Variants in TUSC3 observed in about 807,000 individuals in gnomAD.
TUSC3 encodes tumor suppressor candidate 3.
A neutral mutation model predicts 44.8 loss-of-function variants in TUSC3; 45 were observed. The observed-to-expected ratio is 1.00, with a 90% confidence interval of 0.79 to 1.29. TUSC3 has a LOEUF of 1.29. Ranked by LOEUF, TUSC3 falls within the 50% of genes most tolerant of loss-of-function variation. The pLI, the probability that TUSC3 is intolerant of heterozygous loss-of-function variation, is 0.00. For synonymous variants in TUSC3, 212 were observed against 152.9 expected (o/e 1.39, Z -2.85); for missense variants, 519 against 437.9 (o/e 1.19, Z -1.65).
intron 1 of TUSC3, among the ~76,000 whole-genome samples, chr8:15,587,989 T>C (rs1008677357): frequency 2.6e-5 from 4 of 152,156 alleles, no homozygotes; most frequent in African/African-American, 9.6e-5. Flanking sequence ...GATTGGTATC[T>C]TGGCAATTGT....
intron 1 of TUSC3, among the ~76,000 whole-genome samples, chr8:15,560,830 C>G (rs1802431245): frequency 1.0e-5 from 1 of 98,158 alleles, no homozygotes; most frequent in East Asian, 2.9e-4. Flanking sequence ...TCACGTAGTT[C>G]TCGAGCCTTG....
rs185554757 is a variant in TUSC3, at chr8:15,566,430, C to T, written c.138+25862C>T. 1.4e-3 allele frequency among the ~76,000 whole-genome samples: 215 copies of T among 152,106 alleles called. 1 individual carries two copies. The highest frequency in any genetic ancestry group is 5.0e-3 in the African/African-American group (206 of 41,476). On this transcript the variant is annotated intron_variant, in intron 1 of 10. Transcript: ENST00000503731. ...TATTTTGAACATGTGCTATTGTTAC[C>T]ATTTTAAGATGAGGGGGCCTAAGTT...
rs141092430 is a variant in TUSC3, at chr8:15,482,964, A to G, written n.92-422A>G. 3.9e-5 allele frequency among the ~76,000 whole-genome samples: 6 copies of G among 152,246 alleles called. No individual in the cohort carries two copies. The South Asian group carries it at 6.2e-4, about 16-fold the overall frequency. Reference sequence around the variant, plus strand: ...AATTAAAATAAGACCTGTATAAAACACTGGTAATTAAGCTGTAGAAAAATA... The same window carrying G: ...AATTAAAATAAGACCTGTATAAAACGCTGGTAATTAAGCTGTAGAAAAATA... On this transcript the variant is annotated intron_variant and non_coding_transcript_variant, in intron 1 of 5. Coordinates refer to the TUSC3 transcript ENST00000503191.
intron 2 of TUSC3, among the ~76,000 whole-genome samples, chr8:15,636,588 A>T (rs1356150114): frequency 1.3e-5 from 2 of 152,154 alleles, no homozygotes; most frequent in Non-Finnish European, 2.9e-5. Flanking sequence ...TAGTCAGCAG[A>T]ATTCTCAGTC....
At position 15,766,389 on chromosome 8, in the gene TUSC3, T is replaced by C. The variant is rs1812326533; in HGVS notation, c.*2233T>C. On this transcript the variant is annotated 3_prime_UTR_variant, in exon 11 of 11. Coordinates refer to ENST00000503731, the MANE Select transcript of TUSC3 (RefSeq NM_006765.4). ...ATTTACCTTTGCTAGACAATGAGAA[T>C]TGAATAATTGATTTGTACCTGGTAT... 1 of 152,102 alleles carries C rather than the reference T, an allele frequency of 6.6e-6. No individual in the cohort carries two copies. Among genetic ancestry groups the C allele is most frequent in the Non-Finnish European group, 1.5e-5 (1 of 67,982 alleles). 9.4% of individuals were successfully genotyped at this position (152,102 alleles called of 1,614,324 possible). A position where few individuals can be genotyped will look rare whatever the true frequency, so the allele number is the denominator to read the frequency against.
At chr8:15,824,365 A>C in the TUSC3 span, among the ~76,000 whole-genome samples, 1 of 152,218 alleles carries the variant, frequency 6.6e-6, no homozygotes, top group Non-Finnish European at 1.5e-5. Context: ...CAAGGTATGA[A>C]TATCAACTGA....
At chr8:15,730,856 GA>G (rs1810693968) in intron 7 of TUSC3, 127 bp downstream of exon 7, 5 of 817,906 alleles carry the variant, frequency 6.1e-6, no homozygotes, top group Non-Finnish European at 9.8e-6. Context: ...TGTACTATAT[GA>G]CTAATTTTTA....
At chr8:15,616,729 C>T (rs1031445504) in intron 1 of TUSC3, among the ~76,000 whole-genome samples, 3 of 152,292 alleles carry the variant, frequency 2.0e-5, no homozygotes, top group Admixed American at 6.5e-5. Context: ...GCTCTGACCT[C>T]GAGACTCCCT....
intron 1 of TUSC3, among the ~76,000 whole-genome samples, chr8:15,566,481 G>C (rs191330067): frequency 2.0e-5 from 3 of 152,084 alleles, no homozygotes; most frequent in Non-Finnish European, 4.4e-5. Flanking sequence ...CATGGTAACA[G>C]CTGCTAAAGG....
the TUSC3 span, among the ~76,000 whole-genome samples, chr8:15,810,375 T>C: frequency 6.6e-6 from 1 of 152,186 alleles, no homozygotes; most frequent in African/African-American, 2.4e-5. Flanking sequence ...TGGTGGCGTA[T>C]GTCTATAATC....
At chr8:15,622,324 G>A (rs1366105046) in intron 1 of TUSC3, among the ~76,000 whole-genome samples, 1 of 151,136 alleles carries the variant, frequency 6.6e-6, no homozygotes, top group African/African-American at 2.4e-5. Flanking sequence ...TAGAGACAGT[G>A]TCTTACTGTG....
In TUSC3 at chr8:15,515,665, T is replaced by C. The variant is rs1425743813; in HGVS notation, n.189+32182T>C. 7.2e-5 allele frequency among the ~76,000 whole-genome samples: 11 copies of C among 152,140 alleles called. No individual in the cohort carries two copies. In the East Asian group the frequency reaches 2.1e-3, roughly 29 times the overall value. On this transcript the variant is annotated intron_variant and non_coding_transcript_variant, in intron 2 of 5. Coordinates refer to the TUSC3 transcript ENST00000503191. ...ATATGATACAAAATATATATATATGTATGTATATACATATTTTTTTGAGAC... is the reference window on the plus strand; with the variant it reads ...ATATGATACAAAATATATATATATGCATGTATATACATATTTTTTTGAGAC...
the TUSC3 span, among the ~76,000 whole-genome samples, chr8:15,822,129 T>C: frequency 6.6e-6 from 1 of 152,132 alleles, no homozygotes; most frequent in Non-Finnish European, 1.5e-5. Flanking sequence ...AATTTTGGCT[T>C]GAGCAATAGG....
intron 5 of TUSC3, among the ~76,000 whole-genome samples, chr8:15,669,982 T>G (rs1807870398): frequency 7.3e-6 from 1 of 137,282 alleles, no homozygotes; most frequent in African/African-American, 2.5e-5. Flanking sequence ...ATGATTCATG[T>G]CATAATGCAT....
chr8:15,766,294 T>A lies in TUSC3; in HGVS notation c.*2138T>A, dbSNP rs2604367. On this transcript the variant is annotated 3_prime_UTR_variant, in exon 11 of 11. Transcript: ENST00000503731. Reference sequence around the variant, plus strand: ...TGACTGGAAAATGCTATAGGCAGAATTGCAAAGAGTGGCTCAAACATATAG... The same window carrying A: ...TGACTGGAAAATGCTATAGGCAGAAATGCAAAGAGTGGCTCAAACATATAG... 1 of 152,112 alleles carries A rather than the reference T, an allele frequency of 6.6e-6. No individual in the cohort carries two copies. Among genetic ancestry groups the A allele is most frequent in the Non-Finnish European group, 1.5e-5 (1 of 67,980 alleles). The allele number at this position is 152,112 out of a possible 1,614,324, so 9.4% of individuals were successfully genotyped here.
At chr8:15,736,528 C>G (rs1394698237) in intron 7 of TUSC3, among the ~76,000 whole-genome samples, 1 of 152,088 alleles carries the variant, frequency 6.6e-6, no homozygotes, top group African/African-American at 2.4e-5. Flanking sequence ...TCTTAAAATT[C>G]AAAACCTCAT....
chr8:15,531,743 TA>T (rs1801453663), intron 2 of TUSC3, among the ~76,000 whole-genome samples: 1 of 152,238 alleles, frequency 6.6e-6, no homozygotes, highest in Admixed American at 6.5e-5. Context: ...TGCTGCTATG[TA>T]ACTTGGATAC....
the TUSC3 span, among the ~76,000 whole-genome samples, chr8:15,831,538 A>G: frequency 6.6e-6 from 1 of 152,196 alleles, no homozygotes; most frequent in Non-Finnish European, 1.5e-5. Context: ...CTCAATCTAG[A>G]AAGCAAAGAA....
chr8:15,812,111 G>A, the TUSC3 span, among the ~76,000 whole-genome samples: 4 of 152,166 alleles, frequency 2.6e-5, no homozygotes, highest in African/African-American at 9.7e-5. Context: ...CAACTTAGAT[G>A]AGACGTTTTA....
Sources: allele counts gnomAD v4.1 joint callset (sites outside exome capture counted in the v4.1 genomes callset), GRCh38; gene constraint gnomAD v4.1.1; transcripts MANE v1.5; gene names NCBI Gene and HGNC (gene_info 2026-07-23, HGNC 2026-07-21).